Variants in FBXO34 observed in about 807,000 individuals in gnomAD.
FBXO34 encodes the protein F-box only protein 34.
Under a neutral mutation model 24.5 loss-of-function variants are expected in FBXO34, and 12 were observed. The ratio of observed to expected loss-of-function variants is 0.49; its 90% CI spans 0.31 to 0.79. The LOEUF (loss-of-function observed/expected upper bound fraction) is 0.79, where lower values mean the gene tolerates loss of function less well. Ranked by LOEUF, FBXO34 falls within the 30% of genes least tolerant of loss-of-function variation. The pLI is 0.04. For missense variants in FBXO34, 823 were observed against 857.7 expected, an observed-to-expected ratio of 0.96 and a Z score of 0.51; for synonymous variants, 320 against 311.9, an observed-to-expected ratio of 1.03 and a Z score of -0.27.
In FBXO34 at chr14:55,352,370, T is replaced by C. The variant is rs746866580; in HGVS notation, c.1980T>C (p.Tyr660=). ...AGCCCTATTGCCAGGCATTGCCCTA[T>C]GGGCCAGGGTATTGGATGTGCTGCC... ...HPKPYCQALP[Y]GPGYWMCCHR... Residue 660 remains tyrosine (Y), a synonymous_variant, in exon 2 of 2, where the codon TAT becomes TAC. Transcript: ENST00000313833. 1.2e-6 allele frequency: 2 copies of C among 1,614,210 alleles called. No individual in the cohort carries two copies. The highest frequency in any genetic ancestry group is 1.1e-5 in the South Asian group (1 of 91,086).
chr14:55,388,826 AG>A, the FBXO34 span, among the ~76,000 whole-genome samples: 27 of 152,352 alleles, frequency 1.8e-4, no homozygotes, highest in African/African-American at 6.5e-4. Flanking sequence ...AACCCTGGCA[AG>A]TCATCAGAAC....
chr14:55,393,384 CAAAAAAAAGAGGA>C, the FBXO34 span, among the ~76,000 whole-genome samples: 6 of 136,802 alleles, frequency 4.4e-5, no homozygotes, highest in African/African-American at 1.4e-4. Flanking sequence ...GACTCTGTCT[CAAAAAAAAGAGGA>C]AAAAAAAAGA....
At chr14:55,335,775 A>G (rs565394517) in intron 1 of FBXO34, among the ~76,000 whole-genome samples, 1 of 152,354 alleles carries the variant, frequency 6.6e-6, no homozygotes, top group Admixed American at 6.5e-5. Flanking sequence ...AATAATTATT[A>G]TATCTAGCTC....
chr14:55,366,053 G>C (rs1304872612), downstream of FBXO34, among the ~76,000 whole-genome samples: 1 of 152,034 alleles, frequency 6.6e-6, no homozygotes, highest in Non-Finnish European at 1.5e-5. Context: ...AGTCTGGGCA[G>C]GTTCCACGTG....
intron 1 of FBXO34, chr14:55,282,184 AG>A (rs1352128018): frequency 5.2e-6 from 1 of 191,790 alleles, no homozygotes; most frequent in African/African-American, 2.4e-5. Flanking sequence ...TTTAGTAGAC[AG>A]GGTTTCTCCA....
the FBXO34 span, chr14:55,411,667 C>G: frequency 6.2e-7 from 1 of 1,613,316 alleles, no homozygotes. Flanking sequence ...CGCAGGTCAG[C>G]CGCCGGCGGG....
At chr14:55,428,723 C>G in the FBXO34 span, 2 of 1,370,638 alleles carry the variant, frequency 1.5e-6, no homozygotes, top group Non-Finnish European at 2.0e-6. Context: ...CACAATTTCT[C>G]TGAAAGATAC....
chr14:55,385,093 A>C, the FBXO34 span, among the ~76,000 whole-genome samples: 2 of 152,210 alleles, frequency 1.3e-5, no homozygotes, highest in African/African-American at 2.4e-5. Context: ...AGGCTAAGCC[A>C]ACATGTAGTG....
At chr14:55,421,835 G>A in the FBXO34 span, among the ~76,000 whole-genome samples, 2 of 152,130 alleles carry the variant, frequency 1.3e-5, no homozygotes, top group East Asian at 3.8e-4. Flanking sequence ...AGTTATAAAA[G>A]AACACTTAAA....
the FBXO34 span, chr14:55,428,771 G>C: frequency 6.3e-7 from 1 of 1,576,428 alleles, no homozygotes; most frequent in Non-Finnish European, 8.6e-7. Flanking sequence ...TAAATATCTT[G>C]GTAAATTCAA....
the FBXO34 span, chr14:55,414,497 T>A: frequency 1.0e-5 from 14 of 1,385,790 alleles, no homozygotes; most frequent in East Asian, 3.5e-4. Context: ...AATATAAAAA[T>A]ACCAACATTT....
intron 1 of FBXO34, among the ~76,000 whole-genome samples, chr14:55,315,333 C>T (rs144945792): frequency 6.6e-6 from 1 of 152,312 alleles, no homozygotes; most frequent in East Asian, 1.9e-4. Context: ...CTATTATCTT[C>T]ATATTCCTGA....
chr14:55,340,911 A>T (rs941148446), intron 1 of FBXO34, among the ~76,000 whole-genome samples: 1 of 152,238 alleles, frequency 6.6e-6, no homozygotes, highest in Non-Finnish European at 1.5e-5. Context: ...ATATTAAAGC[A>T]CTGATCAACT....
chr14:55,338,243 G>T (rs1883860126), intron 1 of FBXO34, among the ~76,000 whole-genome samples: 1 of 151,276 alleles, frequency 6.6e-6, no homozygotes, highest in South Asian at 2.1e-4. Context: ...TAGAGACGGG[G>T]TTTCACTGTG....
the FBXO34 span, among the ~76,000 whole-genome samples, chr14:55,439,278 T>TAAAA: frequency 1.3e-3 from 168 of 133,874 alleles, no homozygotes; most frequent in African/African-American, 3.3e-3. Flanking sequence ...TAATTAACTT[T>TAAAA]AAAAAAAAAA....
chr14:55,278,845 C>T lies in FBXO34; in HGVS notation c.-11+7308C>T, dbSNP rs369372752. ...GGGACCACAGGTGCGCACCACCACA[C>T]GCAGCTAATTTTTAAATTTTTTGTA... On this transcript the variant is annotated intron_variant, in intron 1 of 1. Coordinates refer to ENST00000313833, the MANE Select transcript of FBXO34 (RefSeq NM_017943.4). Among the ~76,000 whole-genome samples the T allele has an allele frequency of 2.7e-4, 41 of 152,244 alleles. 1 individual carries two copies. The highest frequency in any genetic ancestry group is 5.0e-4 in the Non-Finnish European group (34 of 68,014).
the FBXO34 span, chr14:55,436,524 C>A: frequency 6.5e-7 from 1 of 1,548,866 alleles, no homozygotes; most frequent in Non-Finnish European, 8.9e-7. Flanking sequence ...AAAATGTGTA[C>A]CCAATGTGCT....
chr14:55,422,347 G>C, the FBXO34 span, among the ~76,000 whole-genome samples: 1 of 152,272 alleles, frequency 6.6e-6, no homozygotes, highest in East Asian at 1.9e-4. Context: ...CTAGGTTCAA[G>C]CGATTCTCCT....
chr14:55,281,297 C>T (rs1251016696), intron 1 of FBXO34, among the ~76,000 whole-genome samples: 1 of 147,108 alleles, frequency 6.8e-6, no homozygotes, highest in Non-Finnish European at 1.5e-5. Flanking sequence ...GTTCAGACTA[C>T]TAATATTTCA....
Sources: gnomAD v4.1 joint callset for allele counts (sites outside exome capture counted in the v4.1 genomes callset) on GRCh38, gnomAD v4.1.1 for gene constraint, MANE v1.5 for transcripts, NCBI Gene and HGNC (gene_info 2026-07-23, HGNC 2026-07-21) for gene names.